EIF4E1B: variants seen among roughly 807,000 people sequenced by gnomAD.
EIF4E1B encodes the protein eukaryotic translation initiation factor 4E family member 1B.
In EIF4E1B, 22 loss-of-function variants were observed where a neutral mutation model predicts 31.3. The ratio of observed to expected loss-of-function variants is 0.70; its 90% CI spans 0.50 to 1.00. EIF4E1B has a LOEUF of 1.00. EIF4E1B is among the 50% of genes least tolerant of loss of function. The pLI, the probability that EIF4E1B is intolerant of heterozygous loss-of-function variation, is 0.00. For synonymous variants in EIF4E1B, 126 were observed against 120.2 expected (o/e 1.05, Z -0.31); for missense variants, 290 against 311.6 (o/e 0.93, Z 0.52).
rs140613266 is a variant in EIF4E1B at position 176,639,416 on chromosome 5, C to T, written c.-201-2627C>T. 8.2e-3 allele frequency among the ~76,000 whole-genome samples: 1,252 copies of T among 152,286 alleles called. 15 individuals are homozygous for T. Among genetic ancestry groups the T allele is most frequent in the African/African-American group, 0.024 (1,017 of 41,564 alleles). ...CAGCGAGGGGCCAGGATGCCTGTAGCGCCAGGGGGGTTGCTCTTAAGGTCT... is the reference window on the plus strand; with the variant it reads ...CAGCGAGGGGCCAGGATGCCTGTAGTGCCAGGGGGGTTGCTCTTAAGGTCT... On this transcript the variant is annotated intron_variant, in intron 1 of 8. Coordinates refer to ENST00000318682, the MANE Select transcript of EIF4E1B (RefSeq NM_001099408.2).
intron 1 of EIF4E1B, among the ~76,000 whole-genome samples, chr5:176,636,953 G>C (rs1047120483): frequency 3.3e-5 from 5 of 152,230 alleles, no homozygotes; most frequent in Admixed American, 6.5e-5. Context: ...CTCAGCATTC[G>C]AGTGGGATGG....
At chr5:176,633,219 T>G (rs1760436957) in intron 1 of EIF4E1B, among the ~76,000 whole-genome samples, 1 of 149,042 alleles carries the variant, frequency 6.7e-6, no homozygotes. Flanking sequence ...TTTTTTTTGT[T>G]TGTTTGTTTG....
chr5:176,646,270 A>T lies in EIF4E1B; in HGVS notation c.*290A>T. 1 of 359,920 alleles carries T rather than the reference A, an allele frequency of 2.8e-6. No individual in the cohort carries two copies. Among genetic ancestry groups the T allele is most frequent in the Non-Finnish European group, 5.2e-6 (1 of 191,632 alleles). 22.3% of individuals were successfully genotyped at this position (359,920 alleles called of 1,614,324 possible). On this transcript the variant is annotated 3_prime_UTR_variant, in exon 9 of 9. Coordinates refer to ENST00000318682, the MANE Select transcript of EIF4E1B (RefSeq NM_001099408.2). ...TGGCGGGGAAGGAGGGCTCTATGGTAGGCGGAGAAACCCATAGTCCAGCGT... is the reference window on the plus strand; with the variant it reads ...TGGCGGGGAAGGAGGGCTCTATGGTTGGCGGAGAAACCCATAGTCCAGCGT...
At chr5:176,633,211 T>G (rs1760436350) in intron 1 of EIF4E1B, among the ~76,000 whole-genome samples, 1 of 142,944 alleles carries the variant, frequency 7.0e-6, no homozygotes, top group South Asian at 2.4e-4. Flanking sequence ...GTCCAGTGTT[T>G]TTTTTGTTTG....
intron 1 of EIF4E1B, among the ~76,000 whole-genome samples, chr5:176,634,771 AG>A (rs1760467591): frequency 6.6e-6 from 1 of 151,294 alleles, no homozygotes; most frequent in South Asian, 2.1e-4. Flanking sequence ...CTGGGTTCAA[AG>A]GATTCTCCTG....
At chr5:176,633,979 G>A (rs943319413) in intron 1 of EIF4E1B, among the ~76,000 whole-genome samples, 1 of 152,194 alleles carries the variant, frequency 6.6e-6, no homozygotes. Flanking sequence ...CCCGGGTGAC[G>A]CTGGAGCAGG....
At chr5:176,642,909 A>T in intron 3 of EIF4E1B, 107 bp downstream of exon 3, 1 of 1,349,736 alleles carries the variant, frequency 7.4e-7, no homozygotes, top group Non-Finnish European at 9.7e-7. Flanking sequence ...AAAAGCTGGT[A>T]GCTGGGGGCT....
chr5:176,642,957 C>T, intron 3 of EIF4E1B, 125 bp from the exon 4 acceptor site: 2 of 1,454,330 alleles, frequency 1.4e-6, no homozygotes, highest in Non-Finnish European at 1.8e-6. Flanking sequence ...TTGAGCTGGG[C>T]ATGGCTACTG....
intron 4 of EIF4E1B, 126 bp from the exon 5 acceptor site, chr5:176,643,513 G>A: frequency 1.1e-6 from 1 of 950,890 alleles, no homozygotes; most frequent in Non-Finnish European, 1.6e-6. Context: ...AGAGGGGAAT[G>A]CTGTGCCCCA....
Position 176,643,707 on chromosome 5 carries a change from A to C in EIF4E1B, c.269A>C (p.Lys90Thr). The change falls in exon 5 of 9, where the codon AAG becomes ACG. Residue 90 changes from lysine (K) to threonine (T), a missense_variant. Physicochemically the swap from Lys to Thr is moderately conservative, Grantham distance 78 (BLOSUM62 -1). Transcript: ENST00000318682. ...CAGGACAACCTGCACCTGGTCACCA[A>C]GGTGGACACTGTGGAGGACTTCTGG... ...AWQDNLHLVTKVDTVEDFWAL... is the reference protein window; with the variant it reads ...AWQDNLHLVTTVDTVEDFWAL... The C allele has an allele frequency of 1.9e-6, 3 of 1,613,184 alleles. No individual in the cohort carries two copies. Among genetic ancestry groups the C allele is most frequent in the Non-Finnish European group, 2.5e-6 (3 of 1,179,592 alleles).
chr5:176,641,092 G>A (rs149428987), intron 1 of EIF4E1B, among the ~76,000 whole-genome samples: 107 of 152,244 alleles, frequency 7.0e-4, no homozygotes, highest in Non-Finnish European at 1.2e-3. Flanking sequence ...GCCAAGGTGG[G>A]CAGATTGCTT....
intron 1 of EIF4E1B, among the ~76,000 whole-genome samples, chr5:176,641,495 T>C (rs1053265698): frequency 1.3e-5 from 2 of 152,174 alleles, no homozygotes; most frequent in African/African-American, 2.4e-5. Flanking sequence ...CCAGCTTGGA[T>C]CGTGGACTTT....
intron 1 of EIF4E1B, among the ~76,000 whole-genome samples, chr5:176,640,089 T>C (rs561391479): frequency 6.6e-6 from 1 of 152,332 alleles, no homozygotes; most frequent in South Asian, 2.1e-4. Flanking sequence ...GGGTCTGATG[T>C]GGTGCCAGGT....
At chr5:176,636,741 C>T (rs1042542161) in intron 1 of EIF4E1B, among the ~76,000 whole-genome samples, 2 of 152,366 alleles carry the variant, frequency 1.3e-5, no homozygotes, top group South Asian at 2.1e-4. Context: ...CATTACGTCA[C>T]GACGTCCTCA....
In EIF4E1B at chr5:176,645,427, T is replaced by C. The variant is rs777652043; in HGVS notation, c.525T>C (p.Cys175=). The change falls in exon 8 of 9, where the codon TGT becomes TGC. Residue 175 remains cysteine, a synonymous_variant. Transcript: ENST00000318682. The surrounding 1 kb of genome is among the most constrained non-coding windows in gnomAD (Gnocchi z 5.4). The part of the protein sequence containing the change: ...ESFEEHSREV[C]GAVVNIRTKG... ...TTGAGGAACACAGCAGAGAGGTATGTGGGGCCGTCGTCAACATCCGCACCA... is the reference window on the plus strand; with the variant it reads ...TTGAGGAACACAGCAGAGAGGTATGCGGGGCCGTCGTCAACATCCGCACCA... 1.3e-6 allele frequency: 2 copies of C among 1,516,196 alleles called. No homozygotes were observed. Among genetic ancestry groups the C allele is most frequent in the South Asian group, 2.7e-5 (2 of 75,266 alleles). The allele number at this position is 1,516,196 out of a possible 1,614,324, so 93.9% of individuals were successfully genotyped here.
In EIF4E1B at chr5:176,645,862, G is replaced by T. The variant is rs761785957; in HGVS notation, c.615-4G>T. ...CTTTTCCTCTGTGTCCCCCGCACCT[G>T]CAGGCGTGTATACAAAGAGCGCCTG... On this transcript the variant is annotated splice_region_variant and splice_polypyrimidine_tract_variant and intron_variant, in intron 8 of 8. Transcript: ENST00000318682. This position sits in a 1 kb window ranked among gnomAD's most constrained non-coding sequence, Gnocchi z 5.4. 5.7e-6 allele frequency: 9 copies of T among 1,578,784 alleles called. No individual in the cohort carries two copies. The Admixed American group carries it at 1.1e-4, about 19-fold the overall frequency.
At chr5:176,640,175 C>T (rs911672075) in intron 1 of EIF4E1B, among the ~76,000 whole-genome samples, 1 of 152,212 alleles carries the variant, frequency 6.6e-6, no homozygotes, top group African/African-American at 2.4e-5. Context: ...AACCCAGCCA[C>T]CACGCCGGGA....
At chr5:176,636,072 C>T (rs1760488307) in intron 1 of EIF4E1B, among the ~76,000 whole-genome samples, 2 of 152,212 alleles carry the variant, frequency 1.3e-5, no homozygotes, top group African/African-American at 2.4e-5. Flanking sequence ...CCGCCTCAGC[C>T]TCCCAAAGTG....
chr5:176,644,112 G>A (rs541197728), intron 5 of EIF4E1B: 12 of 573,772 alleles, frequency 2.1e-5, no homozygotes, highest in African/African-American at 1.9e-4. Flanking sequence ...AGGGTGAGAA[G>A]GCCTCGGCTG....
Sources: gnomAD v4.1 joint callset for allele counts (sites outside exome capture counted in the v4.1 genomes callset) on GRCh38, gnomAD v4.1.1 for gene constraint, Gnocchi (gnomAD v3.1) non-coding constraint, MANE v1.5 for transcripts, NCBI Gene and HGNC (gene_info 2026-07-23, HGNC 2026-07-21) for gene names.